GRIA1: variants seen among roughly 807,000 people sequenced by gnomAD.
GRIA1 encodes glutamate receptor 1.
Under a neutral mutation model 99.2 loss-of-function variants are expected in GRIA1, and 31 were observed. The ratio of observed to expected loss-of-function variants is 0.31; its 90% CI spans 0.23 to 0.42. The LOEUF (loss-of-function observed/expected upper bound fraction) is 0.42. Among genes scored for constraint, GRIA1 ranks in the 10% least tolerant of loss-of-function variants. GRIA1 has a pLI of 1.00. For synonymous variants in GRIA1, 438 were observed against 432.4 expected, an observed-to-expected ratio of 1.01 and a Z score of -0.16; for missense variants, 782 against 1,157.5, an observed-to-expected ratio of 0.68 and a Z score of 4.71.
chr5:153,654,710 A>G (rs1754811878), intron 4 of GRIA1, among the ~76,000 whole-genome samples: 1 of 152,164 alleles, frequency 6.6e-6, no homozygotes. Context: ...ATAACCTTGA[A>G]AATTTATTCA....
chr5:153,561,987 T>C (rs1761171640), intron 2 of GRIA1, among the ~76,000 whole-genome samples: 1 of 152,216 alleles, frequency 6.6e-6, no homozygotes, highest in Non-Finnish European at 1.5e-5. Context: ...TGATAACAAC[T>C]ATGAATGGTG....
rs3036982 is a variant in GRIA1, at chr5:153,609,555, C to CT, written c.221-37347dup. On this transcript the variant is annotated intron_variant, in intron 2 of 15. Coordinates refer to ENST00000285900, the MANE Select transcript of GRIA1 (RefSeq NM_000827.4). ...TGGCATTTGGGATTCAGACTCTTTT[C>CT]TTTTTTTTTTTTTTTTTTTTTTTTT... Among the ~76,000 whole-genome samples, 193 of 84,358 alleles carry CT rather than the reference C, an allele frequency of 2.3e-3. 7 individuals carry two copies. The highest frequency in any genetic ancestry group is 4.7e-3 in the East Asian group (13 of 2,778). The allele number at this position is 84,358 out of a possible 152,430, so 55.3% of individuals were successfully genotyped here. A position where few individuals can be genotyped will look rare whatever the true frequency, so the allele number is the denominator to read the frequency against.
intron 11 of GRIA1, 147 bp downstream of exon 11, chr5:153,706,214 G>C (rs1316356242): frequency 1.3e-6 from 1 of 763,722 alleles, no homozygotes; most frequent in Non-Finnish European, 2.1e-6. Flanking sequence ...ACAATCAACT[G>C]TCCATTGCAC....
At chr5:153,529,378 C>T (rs1470308049) in intron 2 of GRIA1, among the ~76,000 whole-genome samples, 1 of 152,142 alleles carries the variant, frequency 6.6e-6, no homozygotes, top group Non-Finnish European at 1.5e-5. Context: ...ACATCTTTGG[C>T]CCAGAACACA....
At chr5:153,663,930 G>T (rs1755558254) in intron 5 of GRIA1, among the ~76,000 whole-genome samples, 1 of 152,146 alleles carries the variant, frequency 6.6e-6, no homozygotes, top group Non-Finnish European at 1.5e-5. Flanking sequence ...ATTTGGAATG[G>T]CCTTTTTCAT....
chr5:153,706,105 T>G, intron 11 of GRIA1, 38 bp downstream of exon 11: 1 of 1,591,014 alleles, frequency 6.3e-7, no homozygotes, highest in South Asian at 1.1e-5. Context: ...CCTAATGCTA[T>G]GGTTTTGTTT....
chr5:153,592,797 TACA>T (rs1441161854), intron 2 of GRIA1, among the ~76,000 whole-genome samples: 1 of 152,172 alleles, frequency 6.6e-6, no homozygotes, highest in Admixed American at 6.6e-5. Context: ...GGCTGGGAAG[TACA>T]AGATCAATGT....
chr5:153,766,748 T>C (rs993752104), intron 12 of GRIA1, among the ~76,000 whole-genome samples: 1 of 152,180 alleles, frequency 6.6e-6, no homozygotes, highest in Non-Finnish European at 1.5e-5. Flanking sequence ...AACTGTACCA[T>C]TTTATAGTTG....
Position 153,706,479 on chromosome 5 carries a change from GTC to G in GRIA1, c.1823+416_1823+417del, listed in dbSNP as rs555904698. ...GAACATAAGGTGGTACTCCCATCAT[GTC>G]TCTTTTTACAAATGAGGAACCACAG... On this transcript the variant is annotated intron_variant, in intron 11 of 15. Transcript: ENST00000285900. 8.5e-5 allele frequency among the ~76,000 whole-genome samples: 13 copies of G among 152,300 alleles called. No individual in the cohort carries two copies. In the South Asian group the frequency reaches 2.7e-3, roughly 32 times the overall value.
chr5:153,788,166 C>T (rs952360079), intron 13 of GRIA1, among the ~76,000 whole-genome samples: 8 of 152,044 alleles, frequency 5.3e-5, no homozygotes, highest in African/African-American at 1.7e-4. Context: ...CTCTCATCTC[C>T]ACAAATGGTC....
chr5:153,544,059 G>A (rs910688105), intron 2 of GRIA1, among the ~76,000 whole-genome samples: 1 of 152,130 alleles, frequency 6.6e-6, no homozygotes, highest in African/African-American at 2.4e-5. Context: ...AAAAAGGTAA[G>A]CCAGGGAGTC....
chr5:153,638,258 G>T (rs993713085), intron 2 of GRIA1, among the ~76,000 whole-genome samples: 2 of 152,190 alleles, frequency 1.3e-5, no homozygotes, highest in African/African-American at 2.4e-5. Flanking sequence ...ACAGTGTCTA[G>T]CCCATAGAGG....
At chr5:153,770,560 TC>T in intron 13 of GRIA1, 145 bp downstream of exon 13, 1 of 777,878 alleles carries the variant, frequency 1.3e-6, no homozygotes, top group Non-Finnish European at 2.0e-6. Flanking sequence ...CCTGAAAGAT[TC>T]CAGCCACCCA....
At chr5:153,676,964 A>T in intron 6 of GRIA1, 30 bp from the exon 7 acceptor site, 1 of 1,359,106 alleles carries the variant, frequency 7.4e-7, no homozygotes, top group Non-Finnish European at 9.6e-7. Flanking sequence ...GCTCTCTTTG[A>T]TACCTAACTG....
chr5:153,742,191 T>C (rs1761850838), intron 11 of GRIA1, among the ~76,000 whole-genome samples: 1 of 152,054 alleles, frequency 6.6e-6, no homozygotes, highest in Non-Finnish European at 1.5e-5. Context: ...TCATTGGAGA[T>C]GGATTTTGAA....
intron 11 of GRIA1, among the ~76,000 whole-genome samples, chr5:153,719,447 C>A (rs1759898156): frequency 6.6e-6 from 1 of 151,932 alleles, no homozygotes; most frequent in African/African-American, 2.4e-5. Context: ...GATAACTTGA[C>A]AGCTGGGGGG....
chr5:153,743,907 T>C (rs887582098), intron 11 of GRIA1, among the ~76,000 whole-genome samples: 1 of 152,140 alleles, frequency 6.6e-6, no homozygotes, highest in Non-Finnish European at 1.5e-5. Context: ...TGGACATATG[T>C]GGAGCACAGA....
intron 7 of GRIA1, among the ~76,000 whole-genome samples, chr5:153,678,210 G>A (rs1376975914): frequency 6.6e-6 from 1 of 152,186 alleles, no homozygotes; most frequent in African/African-American, 2.4e-5. Flanking sequence ...ATTTCTGAAT[G>A]AGAGAGAAAT....
intron 7 of GRIA1, among the ~76,000 whole-genome samples, chr5:153,678,820 C>T (rs545646809): frequency 2.2e-4 from 33 of 152,328 alleles, no homozygotes; most frequent in African/African-American, 7.2e-4. Context: ...GGCAGGAGAG[C>T]TGGACTCCAC....
Sources: gnomAD v4.1 joint callset for allele counts (sites outside exome capture counted in the v4.1 genomes callset) on GRCh38, gnomAD v4.1.1 for gene constraint, MANE v1.5 for transcripts, NCBI Gene and HGNC (gene_info 2026-07-23, HGNC 2026-07-21) for gene names.